Variants in DISP1 observed in about 807,000 individuals in gnomAD.
The protein encoded by DISP1 is dispatched RND transporter family member 1.
In DISP1, 30 loss-of-function variants were observed where a neutral mutation model predicts 37.3. That is an observed-to-expected ratio of 0.80 (90% CI 0.60 to 1.09). The LOEUF is 1.09. Ranked by LOEUF, DISP1 falls within the 50% of genes least tolerant of loss-of-function variation. The pLI is 0.00. For missense variants in DISP1, 1,598 were observed against 1,879.5 expected (o/e 0.85, Z 2.77); for synonymous variants, 634 against 690.2 (o/e 0.92, Z 1.28).
intron 4 of DISP1, among the ~76,000 whole-genome samples, chr1:222,987,313 G>A (rs999104248): frequency 7.2e-5 from 11 of 152,170 alleles, no homozygotes; most frequent in African/African-American, 2.4e-4. Flanking sequence ...ACTTGTTTGA[G>A]TAAAATTTAC....
chr1:222,855,176 A>G (rs1257557849), intron 1 of DISP1, among the ~76,000 whole-genome samples: 1 of 152,200 alleles, frequency 6.6e-6, no homozygotes, highest in East Asian at 1.9e-4. Flanking sequence ...GGGTTCCATC[A>G]TGTATGATGA....
At chr1:222,967,769 T>C (rs138703615) in intron 3 of DISP1, among the ~76,000 whole-genome samples, 18 of 152,326 alleles carry the variant, frequency 1.2e-4, no homozygotes, top group African/African-American at 4.1e-4. Context: ...AAGGAAAGCA[T>C]ACGGGAGTCT....
chr1:222,827,023 A>G (rs1320990757), intron 1 of DISP1, among the ~76,000 whole-genome samples: 1 of 152,128 alleles, frequency 6.6e-6, no homozygotes, highest in Non-Finnish European at 1.5e-5. Context: ...TAAAACTTTC[A>G]TCTTTAGTTT....
At chr1:222,816,899 CT>C (rs1172231770) in intron 1 of DISP1, among the ~76,000 whole-genome samples, 1 of 152,162 alleles carries the variant, frequency 6.6e-6, no homozygotes, top group African/African-American at 2.4e-5. Flanking sequence ...TATTGTTTAT[CT>C]GATAAGACTT....
chr1:222,904,326 C>T (rs909514048), intron 1 of DISP1, among the ~76,000 whole-genome samples: 3 of 152,118 alleles, frequency 2.0e-5, no homozygotes, highest in Admixed American at 6.5e-5. Context: ...ATTCAGTCTT[C>T]GCTATTACAT....
At chr1:222,967,428 A>G (rs1676585586) in intron 3 of DISP1, among the ~76,000 whole-genome samples, 1 of 152,202 alleles carries the variant, frequency 6.6e-6, no homozygotes, top group African/African-American at 2.4e-5. Context: ...CTGAGAAAAT[A>G]AAGGGCTGTC....
intron 3 of DISP1, among the ~76,000 whole-genome samples, chr1:222,952,802 G>A (rs75086772): frequency 0.11 from 16,761 of 152,102 alleles, 981 homozygotes; most frequent in East Asian, 0.28. Context: ...AGCCGAGATC[G>A]CGCCACTGCA....
chr1:222,978,172 C>G (rs1677538842), intron 3 of DISP1, among the ~76,000 whole-genome samples: 1 of 152,224 alleles, frequency 6.6e-6, no homozygotes, highest in South Asian at 2.1e-4. Flanking sequence ...TCTACATCCT[C>G]TCCAGCACGT....
At chr1:222,983,252 G>T in intron 4 of DISP1, 143 bp downstream of exon 4, 1 of 720,452 alleles carries the variant, frequency 1.4e-6, no homozygotes. Context: ...CCATGAGTTG[G>T]CTGCTTGAGG....
intron 3 of DISP1, among the ~76,000 whole-genome samples, chr1:222,958,881 G>C (rs1675818564): frequency 6.6e-6 from 1 of 151,980 alleles, no homozygotes; most frequent in Non-Finnish European, 1.5e-5. Context: ...CATGTAACCA[G>C]CTATATATGG....
Position 222,974,432 on chromosome 1 carries a change from A to G in DISP1, c.510-8648A>G, listed in dbSNP as rs561344245. On this transcript the variant is annotated intron_variant, in intron 3 of 8. Coordinates refer to ENST00000675850, the MANE Select transcript of DISP1 (RefSeq NM_001377229.1). The stretch of plus-strand genomic sequence containing the variant: ...AAAGTATTTTTTTCATGCTCAAAAT[A>G]GTTATTCAATATATGCTACATTTCT... Among the ~76,000 whole-genome samples the G allele has an allele frequency of 2.0e-5, 3 of 152,332 alleles. No individual in the cohort carries two copies. In the South Asian group the frequency reaches 6.2e-4, roughly 32 times the overall value.
intron 2 of DISP1, among the ~76,000 whole-genome samples, chr1:222,931,417 T>C (rs1371317971): frequency 2.6e-5 from 4 of 152,008 alleles, no homozygotes; most frequent in African/African-American, 9.7e-5. Context: ...ATGATCCTGT[T>C]TCTACTGGGG....
intron 1 of DISP1, among the ~76,000 whole-genome samples, chr1:222,892,847 C>G (rs2125389577): frequency 1.3e-5 from 2 of 152,266 alleles, no homozygotes; most frequent in East Asian, 3.9e-4. Flanking sequence ...TTTGAATGTC[C>G]AGCTTGGTGA....
intron 1 of DISP1, among the ~76,000 whole-genome samples, chr1:222,858,340 C>G (rs1397956301): frequency 6.6e-6 from 1 of 151,940 alleles, no homozygotes; most frequent in African/African-American, 2.4e-5. Flanking sequence ...CAAGATGTAT[C>G]AAAGACTTAA....
intron 1 of DISP1, among the ~76,000 whole-genome samples, chr1:222,846,222 T>C (rs1365249665): frequency 6.6e-6 from 1 of 152,218 alleles, no homozygotes; most frequent in Admixed American, 6.5e-5. Context: ...CCAGATGTGG[T>C]GGATCATGCC....
intron 1 of DISP1, among the ~76,000 whole-genome samples, chr1:222,829,445 T>C (rs1665199061): frequency 6.8e-6 from 1 of 148,026 alleles, no homozygotes; most frequent in South Asian, 2.2e-4. Context: ...TCTCTTTGAA[T>C]GTTTTTTTTT....
rs117664337 is a variant in DISP1, at chr1:222,891,049, A to G, written c.-158-37381A>G. Among the ~76,000 whole-genome samples the G allele has an allele frequency of 5.3e-5, 8 of 152,220 alleles. No homozygotes were observed. The East Asian group carries it at 1.5e-3, about 29-fold the overall frequency. ...GTACTGAGGGTTAAGACTTCAATAT[A>G]TGAATTTGAGGGGGACATAATCCAA... On this transcript the variant is annotated intron_variant, in intron 1 of 8. Coordinates refer to ENST00000675850, the MANE Select transcript of DISP1 (RefSeq NM_001377229.1).
chr1:222,937,796 CTTTTTTT>C (rs10714424), intron 2 of DISP1, among the ~76,000 whole-genome samples: 1 of 56,502 alleles, frequency 1.8e-5, no homozygotes, highest in African/African-American at 8.4e-5. Context: ...AATAGCTTGC[CTTTTTTT>C]TTTTTTTTTT....
chr1:222,943,439 G>A, intron 3 of DISP1, 107 bp downstream of exon 3: 1 of 1,441,590 alleles, frequency 6.9e-7, no homozygotes, highest in Non-Finnish European at 9.7e-7. Context: ...GGCACAGAAA[G>A]AAAACATGAA....
Sources: gnomAD v4.1 joint callset for allele counts (sites outside exome capture counted in the v4.1 genomes callset) on GRCh38, gnomAD v4.1.1 for gene constraint, MANE v1.5 for transcripts, NCBI Gene and HGNC (gene_info 2026-07-23, HGNC 2026-07-21) for gene names.